PLD1: variants seen among roughly 807,000 people sequenced by gnomAD.
The protein encoded by PLD1 is phospholipase D1.
Under a neutral mutation model 137.1 loss-of-function variants are expected in PLD1, and 112 were observed. The ratio of observed to expected loss-of-function variants is 0.82; its 90% CI spans 0.70 to 0.96. PLD1 has a LOEUF of 0.96. Ranked by LOEUF, PLD1 falls within the 40% of genes least tolerant of loss-of-function variation. PLD1 has a pLI of 0.00. For synonymous variants in PLD1, 431 were observed against 454.7 expected (o/e 0.95, Z 0.66); for missense variants, 1,321 against 1,342.0 (o/e 0.98, Z 0.24).
intron 1 of PLD1, among the ~76,000 whole-genome samples, chr3:171,769,745 C>T (rs1304550390): frequency 6.6e-6 from 1 of 152,082 alleles, no homozygotes; most frequent in African/African-American, 2.4e-5. Flanking sequence ...CCTCAGAGAT[C>T]TTTTTTAAGT....
chr3:171,622,910 G>A (rs1733760573), intron 23 of PLD1, among the ~76,000 whole-genome samples: 1 of 151,626 alleles, frequency 6.6e-6, no homozygotes, highest in African/African-American at 2.4e-5. Flanking sequence ...ACCACTTAGA[G>A]AATATAATCA....
intron 20 of PLD1, among the ~76,000 whole-genome samples, chr3:171,660,260 A>G (rs986201866): frequency 2.0e-5 from 3 of 152,242 alleles, no homozygotes; most frequent in Admixed American, 2.0e-4. Flanking sequence ...ATGCCTCCAG[A>G]AGACAAACTT....
chr3:171,710,007 T>C lies in PLD1; in HGVS notation c.912-298A>G, dbSNP rs79085096. Reference sequence around the variant, plus strand: ...GAAAGAGGGGTAAGGTGAGGTTCTATTTTTAAGTATTAGTTAGAGAGCTGT... The same window carrying C: ...GAAAGAGGGGTAAGGTGAGGTTCTACTTTTAAGTATTAGTTAGAGAGCTGT... On this transcript the variant is annotated intron_variant, in intron 9 of 26. Transcript: ENST00000351298. 4.5e-3 allele frequency among the ~76,000 whole-genome samples: 687 copies of C among 152,286 alleles called. 3 individuals are homozygous for C. Among genetic ancestry groups the C allele is most frequent in the Non-Finnish European group, 8.1e-3 (551 of 68,016 alleles).
chr3:171,768,109 G>C (rs1353820428), intron 1 of PLD1, among the ~76,000 whole-genome samples: 1 of 151,904 alleles, frequency 6.6e-6, no homozygotes, highest in African/African-American at 2.4e-5. Flanking sequence ...AGAAATGCTG[G>C]GTCAAACTTA....
At chr3:171,768,831 C>T (rs1055549091) in intron 1 of PLD1, among the ~76,000 whole-genome samples, 1 of 152,164 alleles carries the variant, frequency 6.6e-6, no homozygotes, top group African/African-American at 2.4e-5. Context: ...TGACTATCAA[C>T]AAGAAAGCAT....
intron 19 of PLD1, among the ~76,000 whole-genome samples, chr3:171,665,025 T>A (rs764443137): frequency 1.3e-5 from 2 of 152,254 alleles, no homozygotes; most frequent in African/African-American, 4.8e-5. Flanking sequence ...TGGTAACATC[T>A]GAGTTTTTCC....
intron 23 of PLD1, among the ~76,000 whole-genome samples, chr3:171,642,471 A>G (rs1735840768): frequency 6.6e-6 from 1 of 150,876 alleles, no homozygotes; most frequent in Admixed American, 6.6e-5. Flanking sequence ...AAAAAAAAAA[A>G]AAAAAAAAAA....
rs1719490772 is a variant in PLD1, at chr3:171,737,901, T to C, written c.151A>G (p.Ile51Val). 1 of 1,613,628 alleles carries C rather than the reference T, an allele frequency of 6.2e-7. No homozygotes were observed. The highest frequency in any genetic ancestry group is 8.5e-7 in the Non-Finnish European group (1 of 1,179,874). ...DYDVSPSDPKIQEVYIPFSAI... is the reference protein window; with the variant it reads ...DYDVSPSDPKVQEVYIPFSAI... Reference sequence around the variant, plus strand: ...GATCATCCGTCTTTACCTTCTTGTATCTTGGGATCGCTGGGAGACACGTCG... The same window carrying C: ...GATCATCCGTCTTTACCTTCTTGTACCTTGGGATCGCTGGGAGACACGTCG... Residue 51 changes from isoleucine (I) to valine (V), a missense_variant, in exon 2 of 27, where the codon ATA becomes GTA. Ile to Val is a conservative substitution (Grantham distance 29, BLOSUM62 3). Transcript: ENST00000351298.
At chr3:171,700,097 C>CA (rs1222190436) in intron 11 of PLD1, among the ~76,000 whole-genome samples, 1 of 150,784 alleles carries the variant, frequency 6.6e-6, no homozygotes, top group Non-Finnish European at 1.5e-5. Flanking sequence ...CTCACATATG[C>CA]ACACAGGTAC....
intron 9 of PLD1, among the ~76,000 whole-genome samples, 192 bp downstream of exon 9, chr3:171,713,701 C>G (rs1049624597): frequency 2.6e-5 from 4 of 152,114 alleles, no homozygotes; most frequent in Non-Finnish European, 1.5e-5. Context: ...ATTGTTTATT[C>G]AGACTGTTGC....
chr3:171,628,070 G>A (rs1174073785), intron 23 of PLD1, among the ~76,000 whole-genome samples: 1 of 151,816 alleles, frequency 6.6e-6, no homozygotes, highest in Admixed American at 6.6e-5. Context: ...ATGAATCCAG[G>A]AGCTGGTTTT....
intron 1 of PLD1, among the ~76,000 whole-genome samples, chr3:171,773,279 T>C (rs1722462158): frequency 6.6e-6 from 1 of 152,188 alleles, no homozygotes; most frequent in Non-Finnish European, 1.5e-5. Context: ...GACTTTTAAA[T>C]GAGCCCAAGC....
At chr3:171,774,437 G>A (rs1016604444) in intron 1 of PLD1, among the ~76,000 whole-genome samples, 1 of 152,190 alleles carries the variant, frequency 6.6e-6, no homozygotes, top group African/African-American at 2.4e-5. Flanking sequence ...CCTTAGTAAG[G>A]CTGAGGGACC....
chr3:171,666,425 G>C (rs1712155971), intron 19 of PLD1: 1 of 152,238 alleles, frequency 6.6e-6, no homozygotes, highest in Non-Finnish European at 1.5e-5. Context: ...GCACGGGAAA[G>C]ACCTACTCTC....
Position 171,659,241 on chromosome 3 carries a change from T to C in PLD1, c.2401A>G (p.Ile801Val), listed in dbSNP as rs1560188836. Residue 801 changes from isoleucine to valine, a missense_variant, in exon 21 of 27, where the codon ATT becomes GTT. Transcript: ENST00000351298. ...KVVFNKIGDA[I>V]AQRILKAHRE... ...TGAGCTTTCAGGATCCTCTGGGCAA[T>C]GGCATCGCCTATCTTGTTGAACACA... 1 of 1,613,526 alleles carries C rather than the reference T, an allele frequency of 6.2e-7. No individual in the cohort carries two copies.
chr3:171,768,306 A>G (rs1722113758), intron 1 of PLD1, among the ~76,000 whole-genome samples: 1 of 152,176 alleles, frequency 6.6e-6, no homozygotes. Context: ...ACGTAACCAT[A>G]AGACCTATGT....
At chr3:171,709,044 G>A (rs1326987873) in intron 10 of PLD1, among the ~76,000 whole-genome samples, 1 of 152,172 alleles carries the variant, frequency 6.6e-6, no homozygotes, top group Non-Finnish European at 1.5e-5. Context: ...TAAGCAGCCT[G>A]ATTTTTCTCT....
At chr3:171,693,288 C>T (rs997294759) in intron 12 of PLD1, among the ~76,000 whole-genome samples, 2 of 152,106 alleles carry the variant, frequency 1.3e-5, no homozygotes, top group South Asian at 2.1e-4. Flanking sequence ...AACCTTCTTA[C>T]GACGTCTGCA....
Position 171,687,589 on chromosome 3 carries a change from G to GA in PLD1, c.1540-6dup. 2 of 1,560,162 alleles carry GA rather than the reference G, an allele frequency of 1.3e-6. No individual in the cohort carries two copies. The highest frequency in any genetic ancestry group is 3.5e-5 in the Admixed American group (2 of 57,676). On this transcript the variant is annotated splice_region_variant and splice_polypyrimidine_tract_variant and intron_variant, in intron 14 of 26. Transcript: ENST00000351298. ...CATAGACTCCATTGCGGCAGGCTGA[G>GA]AAAAATTTTTTTTTAAAAAAAGACA...
Sources: allele counts gnomAD v4.1 joint callset (sites outside exome capture counted in the v4.1 genomes callset), GRCh38; gene constraint gnomAD v4.1.1; transcripts MANE v1.5; gene names NCBI Gene and HGNC (gene_info 2026-07-23, HGNC 2026-07-21).